The following UIMC1 variants were observed in gnomAD, a reference collection of about 807,000 sequenced individuals.
UIMC1 encodes the protein ubiquitin interaction motif containing 1.
In UIMC1, 42 loss-of-function variants were observed where a neutral mutation model predicts 84.9. The observed-to-expected ratio is 0.49, with a 90% CI of 0.39 to 0.64. UIMC1 has a LOEUF of 0.64. Among genes scored for constraint, UIMC1 ranks in the 30% least tolerant of loss-of-function variants. The pLI, the probability that UIMC1 is intolerant of heterozygous loss-of-function variation, is 0.00. For synonymous variants in UIMC1, 281 were observed against 293.0 expected, an observed-to-expected ratio of 0.96 and a Z score of 0.42; for missense variants, 825 against 847.6, an observed-to-expected ratio of 0.97 and a Z score of 0.33.
In UIMC1 at chr5:176,969,509, C is replaced by G. The variant is rs146847982; in HGVS notation, c.463+92G>C. The G allele has an allele frequency of 2.9e-5, 39 of 1,367,978 alleles. No individual in the cohort carries two copies. In the East Asian group the frequency reaches 8.6e-4, roughly 30 times the overall value. 84.7% of individuals were successfully genotyped at this position (1,367,978 alleles called of 1,614,324 possible). A position where few individuals can be genotyped will look rare whatever the true frequency, so the allele number is the denominator to read the frequency against. On this transcript the variant is annotated intron_variant, in intron 5 of 14. Transcript: ENST00000511320. ...ACTTCTTTATTATCACCAAAAGGATCTGGGGTATTTCCGTGTATCTACTCT... is the reference window on the plus strand; with the variant it reads ...ACTTCTTTATTATCACCAAAAGGATGTGGGGTATTTCCGTGTATCTACTCT...
At chr5:176,987,421 G>C (rs1019238179) in intron 1 of UIMC1, among the ~76,000 whole-genome samples, 62 of 151,790 alleles carry the variant, frequency 4.1e-4, no homozygotes, top group African/African-American at 1.4e-3. Context: ...TGAGGCTGGT[G>C]TATCACTCGA....
intron 1 of UIMC1, among the ~76,000 whole-genome samples, chr5:177,003,682 A>C (rs1363181473): frequency 1.3e-5 from 2 of 152,038 alleles, no homozygotes; most frequent in African/African-American, 2.4e-5. Flanking sequence ...AACAAACAAA[A>C]AACTTAAGGT....
intron 2 of UIMC1, among the ~76,000 whole-genome samples, chr5:176,980,479 A>G (rs1460631834): frequency 1.3e-5 from 2 of 152,304 alleles, no homozygotes; most frequent in Admixed American, 1.3e-4. Context: ...ATGTATGCAC[A>G]AAATTTTTTT....
At chr5:176,984,043 T>A (rs1581642771) in intron 1 of UIMC1, among the ~76,000 whole-genome samples, 1 of 95,390 alleles carries the variant, frequency 1.0e-5, no homozygotes, top group Non-Finnish European at 2.1e-5. Context: ...GGCCGCCCCG[T>A]CTGGGAAGTG....
chr5:176,987,451 G>A (rs1380693287), intron 1 of UIMC1, among the ~76,000 whole-genome samples: 2 of 151,862 alleles, frequency 1.3e-5, no homozygotes, highest in African/African-American at 2.4e-5. Flanking sequence ...TTTGAGACCA[G>A]CCTGGCCAAC....
chr5:176,970,639 C>G (rs1375700397), intron 4 of UIMC1, 103 bp downstream of exon 4: 1 of 1,577,088 alleles, frequency 6.3e-7, no homozygotes, highest in Non-Finnish European at 8.7e-7. Context: ...AGGTGAAAAC[C>G]CTATAAATGA....
chr5:176,984,023 G>A (rs867026702), intron 1 of UIMC1, among the ~76,000 whole-genome samples: 4 of 111,102 alleles, frequency 3.6e-5, no homozygotes, highest in East Asian at 3.0e-4. Flanking sequence ...AGTGAGGAGC[G>A]CCTCTGCCCG....
intron 13 of UIMC1, chr5:176,906,272 A>C: frequency 2.0e-6 from 1 of 504,754 alleles, no homozygotes; most frequent in Non-Finnish European, 3.5e-6. Flanking sequence ...ACCTCTGAAT[A>C]AATCTACTTC....
chr5:176,932,508 G>C (rs1168825093), intron 10 of UIMC1, among the ~76,000 whole-genome samples: 1 of 142,164 alleles, frequency 7.0e-6, no homozygotes, highest in Non-Finnish European at 1.5e-5. Flanking sequence ...GACAGATATA[G>C]ATAGATAGAC....
chr5:176,994,719 A>G (rs550864091), intron 1 of UIMC1, among the ~76,000 whole-genome samples: 1 of 152,120 alleles, frequency 6.6e-6, no homozygotes, highest in African/African-American at 2.4e-5. Context: ...GGCTAGTTTG[A>G]ATGGTGCGGT....
chr5:176,947,364 T>A (rs1033952357), intron 9 of UIMC1, among the ~76,000 whole-genome samples: 2 of 152,028 alleles, frequency 1.3e-5, no homozygotes, highest in Admixed American at 6.5e-5. Flanking sequence ...ATATATATAT[T>A]TTTTAAGTTC....
chr5:176,975,621 C>T, intron 2 of UIMC1, 141 bp from the exon 3 acceptor site: 1 of 736,612 alleles, frequency 1.4e-6, no homozygotes, highest in Non-Finnish European at 2.2e-6. Context: ...ATTAGAAGAT[C>T]CTTTTCAGTA....
chr5:176,998,400 G>T (rs1209346799), intron 1 of UIMC1, among the ~76,000 whole-genome samples: 2 of 133,372 alleles, frequency 1.5e-5, no homozygotes, highest in African/African-American at 5.7e-5. Context: ...GGAGGCAAAG[G>T]TTGCACTAAG....
At chr5:176,927,656 T>C (rs1265728859) in intron 10 of UIMC1, among the ~76,000 whole-genome samples, 1 of 152,070 alleles carries the variant, frequency 6.6e-6, no homozygotes, top group Non-Finnish European at 1.5e-5. Context: ...GGTGGTCAAG[T>C]TGGAGTGTTA....
At position 176,960,651 on chromosome 5, in the gene UIMC1, G is replaced by A. The variant is rs1247152536; in HGVS notation, c.1201-2497C>T. Among the ~76,000 whole-genome samples, 3 of 69,450 alleles carry A rather than the reference G, an allele frequency of 4.3e-5. 1 individual carries two copies. Among genetic ancestry groups the A allele is most frequent in the Non-Finnish European group, 7.7e-5 (3 of 39,204 alleles). 45.6% of individuals were successfully genotyped at this position (69,450 alleles called of 152,430 possible). A position where few individuals can be genotyped will look rare whatever the true frequency, so the allele number is the denominator to read the frequency against. On this transcript the variant is annotated intron_variant, in intron 6 of 14. Coordinates refer to ENST00000511320, the MANE Select transcript of UIMC1 (RefSeq NM_001199298.2). ...CCCCTCCGTCTCCGTCTCCGTCTCC[G>A]TCTCCGTCTCCGTCTCCCCACGGTC...
intron 10 of UIMC1, among the ~76,000 whole-genome samples, chr5:176,923,474 T>C (rs759437479): frequency 2.6e-5 from 4 of 151,378 alleles, no homozygotes; most frequent in Non-Finnish European, 4.4e-5. Context: ...CCCTTGAACC[T>C]GGGAGGCACA....
chr5:176,951,527 G>C lies in UIMC1; in HGVS notation c.1390C>G (p.Pro464Ala), dbSNP rs1765876801. Reference protein sequence around the residue: ...ETFDLEREVSPGSRDILDGVR... With the variant: ...ETFDLEREVSAGSRDILDGVR... ...CCATCCAAGATATCTCTGCTACCTGGAGAGACTTCTCTTTCAAGGTCAAAA... is the reference window on the plus strand; with the variant it reads ...CCATCCAAGATATCTCTGCTACCTGCAGAGACTTCTCTTTCAAGGTCAAAA... Residue 464 changes from proline to alanine, a missense_variant, in exon 9 of 15, where the codon CCA (proline) becomes GCA (alanine). Transcript: ENST00000511320. 6.3e-7 allele frequency: 1 copy of C among 1,588,332 alleles called. No individual in the cohort carries two copies. Among genetic ancestry groups the C allele is most frequent in the Non-Finnish European group, 8.6e-7 (1 of 1,168,734 alleles).
intron 7 of UIMC1, among the ~76,000 whole-genome samples, chr5:176,957,544 C>A (rs1347779197): frequency 6.6e-6 from 1 of 152,150 alleles, no homozygotes; most frequent in Non-Finnish European, 1.5e-5. Context: ...ATAGGAGGCA[C>A]AAACGGATTA....
intron 3 of UIMC1, among the ~76,000 whole-genome samples, chr5:176,974,385 A>C (rs2149491103): frequency 6.6e-6 from 1 of 152,360 alleles, no homozygotes; most frequent in Non-Finnish European, 1.5e-5. Flanking sequence ...CACCATATAC[A>C]AAAACTCAAA....
Sources: allele counts gnomAD v4.1 joint callset (sites outside exome capture counted in the v4.1 genomes callset), GRCh38; gene constraint gnomAD v4.1.1; transcripts MANE v1.5; gene names NCBI Gene and HGNC (gene_info 2026-07-23, HGNC 2026-07-21).